Variants in KAT6B observed in about 807,000 individuals in gnomAD.
The protein encoded by KAT6B is histone acetyltransferase KAT6B.
KAT6B carries 10 observed loss-of-function variants against 187.5 expected under a neutral mutation model. The ratio of observed to expected loss-of-function variants is 0.05; its 90% CI spans 0.03 to 0.09. The LOEUF is 0.09. KAT6B is among the 10% of genes least tolerant of loss of function. The pLI is 1.00. For missense variants in KAT6B, 1,952 were observed against 2,558.9 expected (o/e 0.76, Z 5.12); for synonymous variants, 861 against 926.8 (o/e 0.93, Z 1.29).
intron 3 of KAT6B, among the ~76,000 whole-genome samples, chr10:74,927,876 G>GC (rs1312738249): frequency 6.6e-6 from 1 of 152,140 alleles, no homozygotes; most frequent in East Asian, 1.9e-4. Context: ...GACCCTCTGA[G>GC]CTGCCCTAAA....
intron 3 of KAT6B, among the ~76,000 whole-genome samples, chr10:74,868,315 C>T (rs566820635): frequency 1.3e-5 from 2 of 152,310 alleles, no homozygotes; most frequent in East Asian, 3.9e-4. Context: ...AGCAATCCTC[C>T]TGCTTCAGCT....
At chr10:74,837,638 A>G (rs1564896783) in intron 1 of KAT6B, among the ~76,000 whole-genome samples, 1 of 152,040 alleles carries the variant, frequency 6.6e-6, no homozygotes, top group Non-Finnish European at 1.5e-5. Context: ...TTCCAGTTAG[A>G]TACTGCTTAG....
At position 74,975,784 on chromosome 10, in the gene KAT6B, A is replaced by G; in HGVS notation, c.1447A>G (p.Thr483Ala). The change falls in exon 8 of 18, where the codon ACC (threonine) becomes GCC (alanine). Residue 483 changes from threonine to alanine, a missense_variant. Thr to Ala is a moderately conservative substitution (Grantham distance 58, BLOSUM62 0). This residue lies in a region of KAT6B where 417 missense variants were observed against 508.9 expected (regional missense o/e 0.82). Coordinates refer to ENST00000287239, the MANE Select transcript of KAT6B (RefSeq NM_012330.4). Reference sequence around the variant, plus strand: ...CACTTCTCATGTGTTGGCTACAGGTACCACACAAAAGCTAAAACCTCCACC... The same window carrying G: ...CACTTCTCATGTGTTGGCTACAGGTGCCACACAAAAGCTAAAACCTCCACC... The part of the protein sequence containing the change: ...SCTSHVLATG[T>A]TQKLKPPPSS... The G allele has an allele frequency of 6.2e-7, 1 of 1,614,172 alleles. No homozygotes were observed. The highest frequency in any genetic ancestry group is 8.5e-7 in the Non-Finnish European group (1 of 1,180,030).
At chr10:74,853,297 TTTC>T (rs1842603302) in intron 3 of KAT6B, among the ~76,000 whole-genome samples, 1 of 151,608 alleles carries the variant, frequency 6.6e-6, no homozygotes, top group Non-Finnish European at 1.5e-5. Flanking sequence ...AATTTTTTTT[TTTC>T]TTTTTTTTGA....
intron 3 of KAT6B, among the ~76,000 whole-genome samples, chr10:74,935,249 A>T (rs780102468): frequency 6.9e-6 from 1 of 145,766 alleles, no homozygotes; most frequent in Non-Finnish European, 1.5e-5. Flanking sequence ...ACCCGATATT[A>T]TACATATGTA....
intron 3 of KAT6B, among the ~76,000 whole-genome samples, chr10:74,938,808 C>G (rs1335569166): frequency 6.6e-6 from 1 of 152,118 alleles, no homozygotes; most frequent in East Asian, 1.9e-4. Flanking sequence ...ACAATCTCGG[C>G]TCACTGCAAC....
intron 3 of KAT6B, among the ~76,000 whole-genome samples, chr10:74,891,685 T>G (rs1845654127): frequency 6.6e-6 from 1 of 152,238 alleles, no homozygotes; most frequent in Admixed American, 6.5e-5. Context: ...CTGGGAGCTT[T>G]TATTTTTTTG....
chr10:74,852,009 A>T (rs761876712), intron 3 of KAT6B, among the ~76,000 whole-genome samples: 5 of 152,194 alleles, frequency 3.3e-5, no homozygotes, highest in Non-Finnish European at 7.3e-5. Context: ...ATGAAGGACT[A>T]TTCATTAGTC....
chr10:74,874,815 GGTGT>G (rs138962788), intron 3 of KAT6B, among the ~76,000 whole-genome samples: 3 of 150,834 alleles, frequency 2.0e-5, no homozygotes, highest in African/African-American at 4.9e-5. Flanking sequence ...GTGTGTGTGG[GGTGT>G]GTGTGTGTGT....
chr10:74,828,251 A>G (rs1255431219), intron 1 of KAT6B, among the ~76,000 whole-genome samples: 3 of 152,144 alleles, frequency 2.0e-5, no homozygotes, highest in Non-Finnish European at 4.4e-5. Context: ...AGAAGTTGTG[A>G]AGGGGTAGTG....
chr10:74,840,590 C>T (rs758590462), intron 2 of KAT6B, among the ~76,000 whole-genome samples: 2 of 152,156 alleles, frequency 1.3e-5, no homozygotes. Context: ...TTATCAATCA[C>T]TGGAAGTATT....
intron 10 of KAT6B, among the ~76,000 whole-genome samples, chr10:74,979,612 T>C (rs1020803844): frequency 6.6e-6 from 1 of 151,666 alleles, no homozygotes; most frequent in Admixed American, 6.6e-5. Flanking sequence ...ATTGGGGAAA[T>C]GTTGGTTTTG....
chr10:74,934,728 T>A (rs117748225), intron 3 of KAT6B, among the ~76,000 whole-genome samples: 1,542 of 152,300 alleles, frequency 0.01, 22 homozygotes, highest in Non-Finnish European at 0.011. Flanking sequence ...TCTCTTTTTT[T>A]CCTTCTGTTC....
At chr10:75,015,239 G>C (rs578210654) in intron 13 of KAT6B, among the ~76,000 whole-genome samples, 1 of 152,264 alleles carries the variant, frequency 6.6e-6, no homozygotes, top group South Asian at 2.1e-4. Flanking sequence ...TCTTAAACTT[G>C]TTTCAACACC....
chr10:74,843,574 G>A (rs1455806602), intron 3 of KAT6B, 96 bp downstream of exon 3: 4 of 1,473,506 alleles, frequency 2.7e-6, no homozygotes, highest in Admixed American at 1.7e-5. Context: ...TCTGAATAAA[G>A]TTTGATAAAA....
At chr10:74,865,259 C>T (rs1440627857) in intron 3 of KAT6B, among the ~76,000 whole-genome samples, 3 of 152,164 alleles carry the variant, frequency 2.0e-5, no homozygotes, top group Admixed American at 1.3e-4. Flanking sequence ...TATAGTTTGA[C>T]AGTGGTCTTT....
At chr10:74,913,452 C>T (rs1048071480) in intron 3 of KAT6B, among the ~76,000 whole-genome samples, 1 of 152,182 alleles carries the variant, frequency 6.6e-6, no homozygotes, top group African/African-American at 2.4e-5. Flanking sequence ...TTTTCTCTCT[C>T]TCTCAAAATA....
chr10:75,032,282 G>A lies in KAT6B; in HGVS notation c.*1236G>A. On this transcript the variant is annotated 3_prime_UTR_variant, in exon 18 of 18. Transcript: ENST00000287239. ...ATTTTAACATAAAATAAATTATGAT[G>A]AGCCATTTTTAGCCTCTTGTGTCCT... 1 of 193,264 alleles carries A rather than the reference G, an allele frequency of 5.2e-6. No individual in the cohort carries two copies. Among genetic ancestry groups the A allele is most frequent in the East Asian group, 8.2e-5 (1 of 12,140 alleles). The allele number at this position is 193,264 out of a possible 1,614,324, so 12.0% of individuals were successfully genotyped here.
At position 74,969,790 on chromosome 10, in the gene KAT6B, C is replaced by T; in HGVS notation, c.846+15C>T. On this transcript the variant is annotated intron_variant, in intron 5 of 17. Coordinates refer to ENST00000287239, the MANE Select transcript of KAT6B (RefSeq NM_012330.4). ...GCAGAAATGCTGTAAGTATGGCTCC[C>T]GTAATCCGCCTCCAGGTAACTCGCT... 5 of 1,530,440 alleles carry T rather than the reference C, an allele frequency of 3.3e-6. No homozygotes were observed. The highest frequency in any genetic ancestry group is 4.5e-5 in the East Asian group (2 of 44,494). 94.8% of individuals were successfully genotyped at this position (1,530,440 alleles called of 1,614,324 possible).
Sources: allele counts gnomAD v4.1 joint callset (sites outside exome capture counted in the v4.1 genomes callset), GRCh38; gene constraint gnomAD v4.1.1; regional missense constraint gnomAD v4.1.1; transcripts MANE v1.5; gene names NCBI Gene and HGNC (gene_info 2026-07-23, HGNC 2026-07-21).